PEAK1: variants seen among roughly 807,000 people sequenced by gnomAD.
The protein encoded by PEAK1 is pseudopodium enriched atypical kinase 1.
A neutral mutation model predicts 124.7 loss-of-function variants in PEAK1; 54 were observed. That is an observed-to-expected ratio of 0.43 (90% CI 0.35 to 0.54). The LOEUF (loss-of-function observed/expected upper bound fraction) is 0.54, where lower values mean the gene tolerates loss of function less well. PEAK1 is among the 20% of genes least tolerant of loss of function. PEAK1 has a pLI of 0.01. For synonymous variants in PEAK1, 719 were observed against 760.0 expected (o/e 0.95, Z 0.89); for missense variants, 2,046 against 2,134.5 (o/e 0.96, Z 0.82).
chr15:77,102,478 A>G (rs936633430), exon 7 of PEAK1: 3 of 152,234 alleles, frequency 2.0e-5, no homozygotes, highest in African/African-American at 4.8e-5. Context: ...TCAACAAGAG[A>G]TAAAACATGC....
chr15:77,139,989 A>C (rs528410244), intron 8 of PEAK1, among the ~76,000 whole-genome samples: 2 of 152,238 alleles, frequency 1.3e-5, no homozygotes, highest in South Asian at 4.2e-4. Context: ...GTCTAGATAG[A>C]ATCAACAATA....
intron 6 of PEAK1, among the ~76,000 whole-genome samples, chr15:77,234,422 A>G (rs1450592039): frequency 6.6e-6 from 1 of 152,122 alleles, no homozygotes; most frequent in Admixed American, 6.6e-5. Flanking sequence ...AAAAATCTTT[A>G]ACACAATTGT....
chr15:77,222,132 G>A (rs994452936), intron 6 of PEAK1, among the ~76,000 whole-genome samples: 1 of 151,868 alleles, frequency 6.6e-6, no homozygotes, highest in African/African-American at 2.4e-5. Context: ...AGAATGATTT[G>A]ACCCAAGTTT....
intron 1 of PEAK1, among the ~76,000 whole-genome samples, chr15:77,397,830 T>A (rs1008055426): frequency 6.6e-6 from 1 of 151,760 alleles, no homozygotes; most frequent in African/African-American, 2.4e-5. Flanking sequence ...GAGGCCAAGG[T>A]GGGCGGATCA....
At chr15:77,409,656 A>G (rs1248401327) in intron 1 of PEAK1, among the ~76,000 whole-genome samples, 3 of 152,234 alleles carry the variant, frequency 2.0e-5, no homozygotes, top group South Asian at 2.1e-4. Flanking sequence ...GTATAGTGGT[A>G]TACTTTCTGT....
downstream of PEAK1, chr15:77,106,394 T>C (rs1255035159): frequency 1.3e-5 from 2 of 152,164 alleles, no homozygotes; most frequent in East Asian, 1.9e-4. Flanking sequence ...GATGGAGTCT[T>C]GTTCTGTCAC....
chr15:77,317,114 G>C (rs1031657644), intron 2 of PEAK1, among the ~76,000 whole-genome samples: 3 of 151,708 alleles, frequency 2.0e-5, no homozygotes, highest in African/African-American at 4.8e-5. Flanking sequence ...AAAACAATAC[G>C]CACAGCAAAT....
At chr15:77,120,570 C>A (rs1749369375) in intron 9 of PEAK1, among the ~76,000 whole-genome samples, 1 of 152,152 alleles carries the variant, frequency 6.6e-6, no homozygotes, top group South Asian at 2.1e-4. Context: ...TCAAATTATC[C>A]TCTTTTCTCC....
chr15:77,275,197 T>A (rs2062246267), intron 5 of PEAK1, among the ~76,000 whole-genome samples: 2 of 152,172 alleles, frequency 1.3e-5, no homozygotes, highest in Non-Finnish European at 2.9e-5. Context: ...GATAAAAGAC[T>A]ACACATTGGG....
At chr15:77,189,893 G>C (rs2057747276) in intron 6 of PEAK1, among the ~76,000 whole-genome samples, 1 of 152,126 alleles carries the variant, frequency 6.6e-6, no homozygotes. Context: ...TGAGATGTGA[G>C]AAGACAGGGA....
chr15:77,169,257 T>C (rs1389693214), intron 7 of PEAK1, among the ~76,000 whole-genome samples: 3 of 152,084 alleles, frequency 2.0e-5, no homozygotes, highest in Non-Finnish European at 4.4e-5. Context: ...AGGTTGGCAA[T>C]AGGTCTTGTC....
intron 9 of PEAK1, among the ~76,000 whole-genome samples, chr15:77,128,805 A>G (rs1469263942): frequency 2.0e-5 from 3 of 152,208 alleles, no homozygotes; most frequent in African/African-American, 7.2e-5. Flanking sequence ...AATCTCACCC[A>G]TATCTGATTT....
At chr15:77,163,606 A>T (rs1167296805) in intron 7 of PEAK1, among the ~76,000 whole-genome samples, 1 of 152,236 alleles carries the variant, frequency 6.6e-6, no homozygotes, top group Admixed American at 6.5e-5. Context: ...TTAAAAAGGC[A>T]AATCAAATTC....
chr15:77,126,621 T>C (rs2052397883), intron 9 of PEAK1, among the ~76,000 whole-genome samples: 1 of 152,222 alleles, frequency 6.6e-6, no homozygotes. Context: ...TTTATAAAAC[T>C]GTTTCACTAC....
intron 7 of PEAK1, chr15:77,177,891 G>GT (rs1317705120): frequency 6.6e-6 from 1 of 152,150 alleles, no homozygotes; most frequent in Non-Finnish European, 1.5e-5. Context: ...TTGATCTTGT[G>GT]TTTAAGAATG....
rs71145817 is a variant in PEAK1, at chr15:77,371,508, TACCACCACC to T, written c.-665-6292_-665-6284del. On this transcript the variant is annotated intron_variant, in intron 1 of 9. Transcript: ENST00000682557. ...AGCCTTTGTTGTAACACTACACACA[TACCACCACC>T]ACCACCACCACCACCACCACCATCA... 2.3e-3 allele frequency: 1,501 copies of T among 663,626 alleles called. 1 individual carries two copies. The highest frequency in any genetic ancestry group is 2.6e-3 in the Non-Finnish European group (1,412 of 533,392). 41.1% of individuals were successfully genotyped at this position (663,626 alleles called of 1,614,324 possible).
intron 2 of PEAK1, chr15:77,347,784 G>A (rs1289142633): frequency 1.0e-6 from 1 of 984,300 alleles, no homozygotes; most frequent in Non-Finnish European, 1.2e-6. Flanking sequence ...TTTAGTGAGT[G>A]TATAGATCAT....
intron 1 of PEAK1, among the ~76,000 whole-genome samples, chr15:77,395,826 TC>T (rs2070837683): frequency 6.6e-6 from 1 of 152,128 alleles, no homozygotes; most frequent in South Asian, 2.1e-4. Context: ...TAATAGGAAT[TC>T]TTCAATCTGA....
chr15:77,247,634 C>T (rs374742963), intron 6 of PEAK1, among the ~76,000 whole-genome samples: 1 of 151,564 alleles, frequency 6.6e-6, no homozygotes, highest in Non-Finnish European at 1.5e-5. Context: ...TGCCACCGCA[C>T]CTGGCTAATT....
Sources: allele counts gnomAD v4.1 joint callset (sites outside exome capture counted in the v4.1 genomes callset), GRCh38; gene constraint gnomAD v4.1.1; transcripts MANE v1.5; gene names NCBI Gene and HGNC (gene_info 2026-07-23, HGNC 2026-07-21).